DENND5B: variants seen among roughly 807,000 people sequenced by gnomAD.
DENND5B encodes DENN domain-containing protein 5B.
In DENND5B, 34 loss-of-function variants were observed where a neutral mutation model predicts 140.6. The ratio of observed to expected loss-of-function variants is 0.24; its 90% confidence interval spans 0.18 to 0.32. The LOEUF (loss-of-function observed/expected upper bound fraction) is 0.32. DENND5B is among the 10% of genes least tolerant of loss of function. The probability of loss-of-function intolerance (pLI) is 1.00; values close to 1 mark genes in which losing one functional copy is unlikely to be tolerated. For synonymous variants in DENND5B, 551 were observed against 562.1 expected, an observed-to-expected ratio of 0.98 and a Z score of 0.28; for missense variants, 1,142 against 1,560.2, an observed-to-expected ratio of 0.73 and a Z score of 4.52.
chr12:31,441,235 T>G (rs1944015523), intron 7 of DENND5B, among the ~76,000 whole-genome samples: 2 of 152,016 alleles, frequency 1.3e-5, no homozygotes, highest in African/African-American at 2.4e-5. Context: ...TTCCAGCTAC[T>G]TGGGAGGCTG....
At chr12:31,499,502 G>T in intron 1 of DENND5B, 1 of 891,338 alleles carries the variant, frequency 1.1e-6, no homozygotes, top group Non-Finnish European at 1.5e-6. Flanking sequence ...ACATCTACAA[G>T]TCTGACCAAG....
intron 19 of DENND5B, 114 bp downstream of exon 19, chr12:31,392,153 A>G (rs1941182400): frequency 7.3e-6 from 8 of 1,099,048 alleles, no homozygotes; most frequent in Non-Finnish European, 8.4e-6. Flanking sequence ...AAAAAAAAAG[A>G]AAAAAAATAT....
intron 1 of DENND5B, among the ~76,000 whole-genome samples, chr12:31,530,690 T>C (rs1361262935): frequency 1.3e-5 from 2 of 152,200 alleles, no homozygotes. Flanking sequence ...GAAGGGAAAT[T>C]TGGCAAGTTA....
Position 31,402,479 on chromosome 12 carries a change from A to G in DENND5B, c.2949+19T>C. The G allele has an allele frequency of 6.3e-7, 1 of 1,598,008 alleles. No homozygotes were observed. Among genetic ancestry groups the G allele is most frequent in the Non-Finnish European group, 8.5e-7 (1 of 1,173,038 alleles). On this transcript the variant is annotated intron_variant, in intron 15 of 20. Transcript: ENST00000389082. ...TACACGTGATACATTCTTCTAGGAAAGGTATTAGCTGAACCTACCTCAAAG... is the reference window on the plus strand; with the variant it reads ...TACACGTGATACATTCTTCTAGGAAGGGTATTAGCTGAACCTACCTCAAAG...
chr12:31,537,270 A>G (rs564499359), intron 1 of DENND5B, among the ~76,000 whole-genome samples: 6 of 152,284 alleles, frequency 3.9e-5, no homozygotes, highest in South Asian at 2.1e-4. Flanking sequence ...TTCAAGACAC[A>G]GACAGTACAA....
rs76890772 is a variant in DENND5B at position 31,402,494 on chromosome 12, C to T, written c.2949+4G>A. 5,262 of 1,612,540 alleles carry T rather than the reference C, an allele frequency of 3.3e-3. 201 individuals are homozygous for T. The East Asian group carries it at 0.087, about 27-fold the overall frequency. ...CTTCTAGGAAAGGTATTAGCTGAAC[C>T]TACCTCAAAGGTCATTTCGAGGAGG... On this transcript the variant is annotated splice_donor_region_variant and intron_variant, in intron 15 of 20. Coordinates refer to ENST00000389082, the MANE Select transcript of DENND5B (RefSeq NM_144973.4).
Position 31,460,191 on chromosome 12 carries a change from T to C in DENND5B, c.1092+3A>G. The stretch of plus-strand genomic sequence containing the variant: ...AATGCTTCATCATTCATTGTAGTTT[T>C]ACCTCTTGAGGAAGTTCTAGTTTAG... On this transcript the variant is annotated splice_donor_region_variant and intron_variant, in intron 4 of 20. Transcript: ENST00000389082. 1 of 1,607,720 alleles carries C rather than the reference T, an allele frequency of 6.2e-7. No homozygotes were observed. The highest frequency in any genetic ancestry group is 8.5e-7 in the Non-Finnish European group (1 of 1,176,074).
At chr12:31,513,166 T>C (rs969150751) in intron 1 of DENND5B, among the ~76,000 whole-genome samples, 5 of 152,138 alleles carry the variant, frequency 3.3e-5, no homozygotes, top group African/African-American at 1.2e-4. Flanking sequence ...TTATACTGAG[T>C]TTATAGGTTT....
chr12:31,577,890 C>T (rs1259387), intron 1 of DENND5B, among the ~76,000 whole-genome samples: 11,844 of 151,710 alleles, frequency 0.078, 1,056 homozygotes, highest in African/African-American at 0.22. Flanking sequence ...TTTAGGAGGC[C>T]GAGGCAGACT....
At chr12:31,520,771 A>C (rs748383017) in intron 1 of DENND5B, among the ~76,000 whole-genome samples, 10 of 151,866 alleles carry the variant, frequency 6.6e-5, no homozygotes, top group Non-Finnish European at 1.2e-4. Context: ...CGATCTCCTG[A>C]CCTCATGATC....
chr12:31,434,480 TTAA>T (rs1943651635), intron 7 of DENND5B, among the ~76,000 whole-genome samples: 1 of 152,168 alleles, frequency 6.6e-6, no homozygotes, highest in Admixed American at 6.5e-5. Context: ...TTGTTTTTGG[TTAA>T]TAATGATTCA....
At chr12:31,416,486 A>G (rs933012693) in intron 11 of DENND5B, among the ~76,000 whole-genome samples, 3 of 151,392 alleles carry the variant, frequency 2.0e-5, no homozygotes, top group African/African-American at 7.3e-5. Flanking sequence ...CTGGTCTCGA[A>G]CTCCTTAACT....
chr12:31,452,245 T>C lies in DENND5B; in HGVS notation c.1324A>G (p.Ile442Val). The C allele has an allele frequency of 6.2e-7, 1 of 1,613,968 alleles. No individual in the cohort carries two copies. Among genetic ancestry groups the C allele is most frequent in the Non-Finnish European group, 8.5e-7 (1 of 1,179,878 alleles). The change falls in exon 5 of 21, where the codon ATC becomes GTC. Residue 442 changes from isoleucine to valine, a missense_variant. Physicochemically the swap from Ile to Val is conservative, Grantham distance 29. Around this residue, in one of 5 missense-constraint regions of DENND5B, gnomAD observed 708 missense variants for 905.5 expected, o/e 0.78. Transcript: ENST00000389082. ...KKNGNVCTNNISMYELLKGNE... is the reference protein window; with the variant it reads ...KKNGNVCTNNVSMYELLKGNE... ...CCCTTCAGTAACTCATACATGCTGA[T>C]GTTATTAGTACAGACATTGCCGTTC...
Position 31,420,587 on chromosome 12 carries a change from G to T in DENND5B, c.2470+3010C>A, listed in dbSNP as rs189194981. Among the ~76,000 whole-genome samples the T allele has an allele frequency of 3.5e-3, 536 of 152,132 alleles. 5 individuals are homozygous for T. The highest frequency in any genetic ancestry group is 0.012 in the African/African-American group (516 of 41,500). On this transcript the variant is annotated intron_variant, in intron 11 of 20. Transcript: ENST00000389082. Reference sequence around the variant, plus strand: ...GCCTCCTGAATAGTTGGGATTACAGGTGTGCACCACCATACCTGGCTGACT... The same window carrying T: ...GCCTCCTGAATAGTTGGGATTACAGTTGTGCACCACCATACCTGGCTGACT...
At chr12:31,424,493 C>A in intron 10 of DENND5B, 42 bp downstream of exon 10, 3 of 1,567,750 alleles carry the variant, frequency 1.9e-6, no homozygotes, top group Non-Finnish European at 2.6e-6. Flanking sequence ...CTTAACAGGG[C>A]TCTTAACTGG....
At chr12:31,514,945 T>C (rs1487484644) in intron 1 of DENND5B, among the ~76,000 whole-genome samples, 1 of 151,938 alleles carries the variant, frequency 6.6e-6, no homozygotes, top group African/African-American at 2.4e-5. Flanking sequence ...TATCAAGACC[T>C]TTTTCTCTAC....
chr12:31,576,569 G>A (rs777224852), intron 1 of DENND5B, among the ~76,000 whole-genome samples: 73 of 152,086 alleles, frequency 4.8e-4, no homozygotes, highest in Non-Finnish European at 9.1e-4. Context: ...GTAAATGGAA[G>A]ATTCAGACAG....
chr12:31,467,414 A>T (rs1591847231), intron 3 of DENND5B, among the ~76,000 whole-genome samples: 1 of 152,020 alleles, frequency 6.6e-6, no homozygotes, highest in African/African-American at 2.4e-5. Flanking sequence ...GCTTGAGCCC[A>T]GGACTTCACG....
At chr12:31,447,158 C>G (rs1303430145) in intron 6 of DENND5B, among the ~76,000 whole-genome samples, 4 of 151,644 alleles carry the variant, frequency 2.6e-5, no homozygotes, top group Non-Finnish European at 2.9e-5. Context: ...GTAATCCCAG[C>G]TAATTGGGAG....
Sources: allele counts gnomAD v4.1 joint callset (sites outside exome capture counted in the v4.1 genomes callset), GRCh38; gene constraint gnomAD v4.1.1; regional missense constraint gnomAD v4.1.1; transcripts MANE v1.5; gene names NCBI Gene and HGNC (gene_info 2026-07-23, HGNC 2026-07-21).